The following ARHGAP24 variants were observed in gnomAD, a reference collection of about 807,000 sequenced individuals.
ARHGAP24 encodes the protein Rho GTPase activating protein 24, also known as rho GTPase-activating protein 24.
In ARHGAP24, 50 loss-of-function variants were observed where a neutral mutation model predicts 76.4. The ratio of observed to expected loss-of-function variants is 0.65; its 90% CI spans 0.52 to 0.83. ARHGAP24 has a LOEUF of 0.83. Ranked by LOEUF, ARHGAP24 falls within the 40% of genes least tolerant of loss-of-function variation. The pLI, the probability that ARHGAP24 is intolerant of heterozygous loss-of-function variation, is 0.00. For synonymous variants in ARHGAP24, 345 were observed against 323.3 expected, an observed-to-expected ratio of 1.07 and a Z score of -0.72; for missense variants, 930 against 914.2, an observed-to-expected ratio of 1.02 and a Z score of -0.22.
chr4:85,501,777 T>C (rs1199222644), intron 1 of ARHGAP24, among the ~76,000 whole-genome samples: 1 of 152,218 alleles, frequency 6.6e-6, no homozygotes, highest in Non-Finnish European at 1.5e-5. Flanking sequence ...TTTTGTGTTT[T>C]AGTCATGAAG....
intron 1 of ARHGAP24, among the ~76,000 whole-genome samples, chr4:85,516,649 CTTAATTT>C (rs1482099100): frequency 1.5e-5 from 2 of 136,526 alleles, no homozygotes; most frequent in East Asian, 4.4e-4. Flanking sequence ...GGGTTTTTTT[CTTAATTT>C]TTGAAGAGCT....
At chr4:85,814,540 C>A (rs1359352223) in intron 3 of ARHGAP24, among the ~76,000 whole-genome samples, 1 of 152,184 alleles carries the variant, frequency 6.6e-6, no homozygotes, top group Non-Finnish European at 1.5e-5. Flanking sequence ...AATCTTAAAG[C>A]TCCAAAATGA....
intron 3 of ARHGAP24, among the ~76,000 whole-genome samples, chr4:85,896,444 T>A (rs188990101): frequency 2.0e-5 from 3 of 152,354 alleles, no homozygotes; most frequent in Admixed American, 6.5e-5. Flanking sequence ...ATGCTGGGAA[T>A]CCTAGCCTCC....
intron 1 of ARHGAP24, among the ~76,000 whole-genome samples, chr4:85,502,145 G>A (rs1723844836): frequency 6.6e-6 from 1 of 152,192 alleles, no homozygotes; most frequent in African/African-American, 2.4e-5. Flanking sequence ...ATAGTTTGAA[G>A]TCAGACAGTG....
At chr4:85,856,695 C>T (rs2110170635) in intron 3 of ARHGAP24, among the ~76,000 whole-genome samples, 1 of 152,134 alleles carries the variant, frequency 6.6e-6, no homozygotes, top group African/African-American at 2.4e-5. Flanking sequence ...AGTCTTGGCA[C>T]CTGACCTCAC....
At chr4:85,771,311 A>G (rs962421034) in intron 3 of ARHGAP24, among the ~76,000 whole-genome samples, 2 of 152,226 alleles carry the variant, frequency 1.3e-5, no homozygotes, top group Admixed American at 1.3e-4. Flanking sequence ...AGAGGACCCA[A>G]TGGTGTAAAT....
chr4:85,696,925 G>A (rs1416135656), intron 2 of ARHGAP24, among the ~76,000 whole-genome samples: 1 of 152,192 alleles, frequency 6.6e-6, no homozygotes, highest in Non-Finnish European at 1.5e-5. Flanking sequence ...GGCATTGAAA[G>A]GGATGAGTAA....
chr4:85,717,676 T>C (rs1240963605), intron 2 of ARHGAP24, among the ~76,000 whole-genome samples: 1 of 152,150 alleles, frequency 6.6e-6, no homozygotes, highest in African/African-American at 2.4e-5. Flanking sequence ...GGCCACTAAA[T>C]CTTAAAACCC....
intron 3 of ARHGAP24, among the ~76,000 whole-genome samples, chr4:85,867,497 A>G: frequency 6.6e-6 from 1 of 152,142 alleles, no homozygotes; most frequent in African/African-American, 2.4e-5. Flanking sequence ...GCAAAAAGCA[A>G]TAATAAACAT....
chr4:85,755,409 G>A (rs1462913835), intron 3 of ARHGAP24, among the ~76,000 whole-genome samples: 1 of 151,990 alleles, frequency 6.6e-6, no homozygotes, highest in East Asian at 1.9e-4. Context: ...GAGATGGCAG[G>A]TAAGGAGGTG....
intron 1 of ARHGAP24, among the ~76,000 whole-genome samples, chr4:85,524,882 TG>T (rs1724919495): frequency 6.6e-6 from 1 of 152,102 alleles, no homozygotes; most frequent in South Asian, 2.1e-4. Flanking sequence ...ATATAAAGCA[TG>T]TTAGGCAGCA....
chr4:85,891,026 T>G (rs1310920438), intron 3 of ARHGAP24, among the ~76,000 whole-genome samples: 1 of 151,986 alleles, frequency 6.6e-6, no homozygotes, highest in African/African-American at 2.4e-5. Context: ...CATGAAAAGG[T>G]GGCTGTAGTG....
At chr4:85,845,537 C>T (rs1306340640) in intron 3 of ARHGAP24, among the ~76,000 whole-genome samples, 2 of 152,134 alleles carry the variant, frequency 1.3e-5, no homozygotes, top group Admixed American at 6.5e-5. Context: ...AATTTACATA[C>T]ACTATGTGTA....
chr4:85,744,752 T>C (rs1009998383), intron 3 of ARHGAP24, among the ~76,000 whole-genome samples: 6 of 152,238 alleles, frequency 3.9e-5, no homozygotes, highest in African/African-American at 7.2e-5. Context: ...ATCTTTCATA[T>C]TGGTTTGGGA....
chr4:85,941,803 C>T (rs1029889936), intron 4 of ARHGAP24, among the ~76,000 whole-genome samples: 2 of 152,054 alleles, frequency 1.3e-5, no homozygotes, highest in Non-Finnish European at 2.9e-5. Flanking sequence ...TTTCTTATTT[C>T]AAAATCGATA....
At chr4:85,929,030 C>T (rs1736171335) in intron 4 of ARHGAP24, among the ~76,000 whole-genome samples, 1 of 152,158 alleles carries the variant, frequency 6.6e-6, no homozygotes, top group African/African-American at 2.4e-5. Flanking sequence ...TTTGGTTTTA[C>T]TCACTTGTGA....
At chr4:85,934,807 G>A (rs375305655) in intron 4 of ARHGAP24, among the ~76,000 whole-genome samples, 9 of 152,276 alleles carry the variant, frequency 5.9e-5, no homozygotes, top group African/African-American at 1.9e-4. Flanking sequence ...AAGCCACCTC[G>A]CCCAGCCGAC....
chr4:85,728,663 C>T lies in ARHGAP24; in HGVS notation c.268+6691C>T, dbSNP rs1373339678. Among the ~76,000 whole-genome samples, 3 of 152,152 alleles carry T rather than the reference C, an allele frequency of 2.0e-5. 1 individual carries two copies. The highest frequency in any genetic ancestry group is 4.4e-5 in the Non-Finnish European group (3 of 68,020). On this transcript the variant is annotated intron_variant, in intron 3 of 9. Coordinates refer to ENST00000395184, the MANE Select transcript of ARHGAP24 (RefSeq NM_001025616.3). Reference sequence around the variant, plus strand: ...TAAAATTTTTAATTTAGTAAAACTTCAACCTACTTAGATGGTTACTGCAGC... The same window carrying T: ...TAAAATTTTTAATTTAGTAAAACTTTAACCTACTTAGATGGTTACTGCAGC...
intron 2 of ARHGAP24, among the ~76,000 whole-genome samples, chr4:85,672,001 A>G (rs568883865): frequency 1.3e-5 from 2 of 152,276 alleles, no homozygotes; most frequent in Non-Finnish European, 2.9e-5. Context: ...TGAAATGTTA[A>G]CCCATGAAAA....
Sources: allele counts gnomAD v4.1 joint callset (sites outside exome capture counted in the v4.1 genomes callset), GRCh38; gene constraint gnomAD v4.1.1; transcripts MANE v1.5; gene names NCBI Gene and HGNC (gene_info 2026-07-23, HGNC 2026-07-21).